Variants in MGAT5B observed in about 807,000 individuals in gnomAD.
MGAT5B encodes the protein alpha-1,6-mannosylglycoprotein 6-beta-N-acetylglucosaminyltransferase B.
In MGAT5B, 54 loss-of-function variants were observed where a neutral mutation model predicts 95.1. The observed-to-expected ratio is 0.57, with a 90% confidence interval of 0.46 to 0.71. The LOEUF (loss-of-function observed/expected upper bound fraction) is 0.71, where lower values mean the gene tolerates loss of function less well. Among genes scored for constraint, MGAT5B ranks in the 30% least tolerant of loss-of-function variants. The pLI is 0.00. For synonymous variants in MGAT5B, 464 were observed against 451.0 expected, an observed-to-expected ratio of 1.03 and a Z score of -0.36; for missense variants, 935 against 1,088.6, an observed-to-expected ratio of 0.86 and a Z score of 1.99.
chr17:76,927,003 G>A (rs1476093400), intron 10 of MGAT5B, among the ~76,000 whole-genome samples: 1 of 152,200 alleles, frequency 6.6e-6, no homozygotes, highest in Non-Finnish European at 1.5e-5. Context: ...TCACCCTCCA[G>A]GAGGGAGGTT....
At chr17:76,939,030 GTGT>G (rs1412273434) in intron 13 of MGAT5B, among the ~76,000 whole-genome samples, 88 of 41,378 alleles carry the variant, frequency 2.1e-3, no homozygotes, top group Middle Eastern at 0.016. Context: ...CATCTTGGGG[GTGT>G]GTGTGTGTGT....
At chr17:76,896,701 C>A (rs1411185504) in intron 3 of MGAT5B, among the ~76,000 whole-genome samples, 1 of 152,168 alleles carries the variant, frequency 6.6e-6, no homozygotes, top group African/African-American at 2.4e-5. Flanking sequence ...GGATTTGAAC[C>A]CAGGACCTCT....
rs1567805847 is a variant in MGAT5B at position 76,905,305 on chromosome 17, T to G, written c.827T>G (p.Leu276Arg). 3 of 1,601,122 alleles carry G rather than the reference T, an allele frequency of 1.9e-6. No homozygotes were observed. Among genetic ancestry groups the G allele is most frequent in the Non-Finnish European group, 2.6e-6 (3 of 1,170,720 alleles). ...ALAAQRLAQKLGATQRDQKQI... is the reference protein window; with the variant it reads ...ALAAQRLAQKRGATQRDQKQI... ...GCTGCCCAGCGCCTGGCACAGAAGC[T>G]GGGGGCCACCCAGAGGGACCAGAAG... Residue 276 changes from leucine (L) to arginine (R), a missense_variant, in exon 7 of 18, where the codon CTG (leucine) becomes CGG (arginine). Physicochemically the swap from Leu to Arg is moderately radical, Grantham distance 102. Around this residue, in one of 4 missense-constraint regions of MGAT5B, gnomAD observed 243 missense variants for 305.5 expected, o/e 0.80. Transcript: ENST00000569840. The surrounding 1 kb of genome is among the most constrained non-coding windows in gnomAD (Gnocchi z 4.2).
intron 10 of MGAT5B, among the ~76,000 whole-genome samples, chr17:76,927,049 C>G (rs1019878163): frequency 1.3e-5 from 2 of 152,150 alleles, no homozygotes; most frequent in South Asian, 2.1e-4. Flanking sequence ...GACTCCGCGG[C>G]CTTCCAGAAA....
In MGAT5B at chr17:76,906,176, G is replaced by A. The variant is rs888021695; in HGVS notation, c.1014G>A (p.Lys338=). ...GCCTGCGGGTCACAGTCTCCCTGAA[G>A]GAGCTGCAGAGGTGAGTGCTGGGGA... ...GHGLRVTVSL[K]ELQSNLGVPP... is the part of the protein sequence containing the mutation. The change falls in exon 8 of 18, where the codon AAG becomes AAA. Residue 338 remains lysine (K), a synonymous_variant. Transcript: ENST00000569840. The surrounding 1 kb of genome is among the most constrained non-coding windows in gnomAD (Gnocchi z 4.6). 1.2e-6 allele frequency: 2 copies of A among 1,604,022 alleles called. No homozygotes were observed. Among genetic ancestry groups the A allele is most frequent in the African/African-American group, 2.7e-5 (2 of 73,892 alleles).
chr17:76,907,862 T>C (rs1231018647), intron 8 of MGAT5B, among the ~76,000 whole-genome samples: 1 of 152,194 alleles, frequency 6.6e-6, no homozygotes, highest in African/African-American at 2.4e-5. Flanking sequence ...CACCTACACT[T>C]AGGGTTGTCA....
Position 76,915,482 on chromosome 17 carries a change from G to A in MGAT5B, c.1025+9295G>A, listed in dbSNP as rs901276759. On this transcript the variant is annotated intron_variant, in intron 8 of 17. Transcript: ENST00000569840. The surrounding 1 kb of genome is among the most constrained non-coding windows in gnomAD (Gnocchi z 8.7). ...GACAAGACCGAAAAACAACCCTCGG[G>A]CTCTACCAGGGTTTGTAATATGCTA... Among the ~76,000 whole-genome samples the A allele has an allele frequency of 2.0e-5, 3 of 152,146 alleles. No homozygotes were observed. The highest frequency in any genetic ancestry group is 2.9e-5 in the Non-Finnish European group (2 of 68,036).
Position 76,905,396 on chromosome 17 carries a change from T to G in MGAT5B, c.855+63T>G. 7.1e-6 allele frequency: 10 copies of G among 1,401,726 alleles called. No homozygotes were observed. Among genetic ancestry groups the G allele is most frequent in the Non-Finnish European group, 9.6e-6 (10 of 1,042,548 alleles). 86.8% of individuals were successfully genotyped at this position (1,401,726 alleles called of 1,614,324 possible). Reference sequence around the variant, plus strand: ...AAAGCTCAGGGCCCCCACTTCTGAGTGGGCATGGAATAGGTCTTCAAACAA... The same window carrying G: ...AAAGCTCAGGGCCCCCACTTCTGAGGGGGCATGGAATAGGTCTTCAAACAA... On this transcript the variant is annotated intron_variant, in intron 7 of 17. Coordinates refer to ENST00000569840, the MANE Select transcript of MGAT5B (RefSeq NM_001199172.2). The surrounding 1 kb of genome is among the most constrained non-coding windows in gnomAD (Gnocchi z 4.2).
intron 3 of MGAT5B, among the ~76,000 whole-genome samples, chr17:76,900,377 A>G (rs1450776485): frequency 1.3e-5 from 2 of 152,234 alleles, no homozygotes. Context: ...ACCTGTGACT[A>G]TGACCTCATT....
chr17:76,885,032 C>T (rs1168277633), intron 3 of MGAT5B, among the ~76,000 whole-genome samples: 2 of 152,184 alleles, frequency 1.3e-5, no homozygotes, highest in Non-Finnish European at 2.9e-5. Context: ...GCCACTGTGC[C>T]TGGGCTACTG....
chr17:76,872,742 C>T lies in MGAT5B; in HGVS notation c.69-109C>T, dbSNP rs758542280. 22 of 1,591,140 alleles carry T rather than the reference C, an allele frequency of 1.4e-5. No individual in the cohort carries two copies. The African/African-American group carries it at 3.0e-4, about 21-fold the overall frequency. ...CCATCCTTTCATTCTCCCTTGCTTC[C>T]TTCACTCATGCACTCATTCGTAAAA... On this transcript the variant is annotated intron_variant, in intron 1 of 17. Transcript: ENST00000569840.
chr17:76,915,788 C>G lies in MGAT5B; in HGVS notation c.1026-9178C>G, dbSNP rs1968909885. Among the ~76,000 whole-genome samples, 1 of 152,208 alleles carries G rather than the reference C, an allele frequency of 6.6e-6. No individual in the cohort carries two copies. The highest frequency in any genetic ancestry group is 1.5e-5 in the Non-Finnish European group (1 of 68,034). The stretch of plus-strand genomic sequence containing the variant: ...TTCACTAAAAATCCCCGGCCCCTCT[C>G]CTGTCTCCTTTTTCCTTCCCCTTCC... On this transcript the variant is annotated intron_variant, in intron 8 of 17. Transcript: ENST00000569840. The surrounding 1 kb of genome is among the most constrained non-coding windows in gnomAD (Gnocchi z 8.7).
intron 9 of MGAT5B, among the ~76,000 whole-genome samples, chr17:76,925,983 G>T (rs759196789): frequency 7.9e-5 from 12 of 152,096 alleles, no homozygotes; most frequent in Non-Finnish European, 1.5e-4. Context: ...TTTTGAACTT[G>T]GGCCTCCACC....
At chr17:76,872,692 C>A (rs879174828) in intron 1 of MGAT5B, 159 bp from the exon 2 acceptor site, 2 of 1,534,752 alleles carry the variant, frequency 1.3e-6, no homozygotes, top group South Asian at 1.2e-5. Context: ...AGTGGGGGGG[C>A]CCTCCTGGGT....
chr17:76,892,124 G>A (rs957740444), intron 3 of MGAT5B, among the ~76,000 whole-genome samples: 4 of 152,098 alleles, frequency 2.6e-5, no homozygotes, highest in Non-Finnish European at 5.9e-5. Flanking sequence ...ACGGCTCACT[G>A]AAGATCTCAA....
At chr17:76,894,584 A>T (rs182939399) in intron 3 of MGAT5B, among the ~76,000 whole-genome samples, 1 of 152,128 alleles carries the variant, frequency 6.6e-6, no homozygotes, top group Non-Finnish European at 1.5e-5. Flanking sequence ...GGCTGTGCGC[A>T]GTGGCTCATG....
At chr17:76,888,127 T>G (rs1169035342) in intron 3 of MGAT5B, among the ~76,000 whole-genome samples, 2 of 152,166 alleles carry the variant, frequency 1.3e-5, no homozygotes, top group Non-Finnish European at 2.9e-5. Flanking sequence ...AGTGCATGTG[T>G]GCACGGGTGT....
chr17:76,913,665 A>G (rs777299375), intron 8 of MGAT5B: 3 of 508,510 alleles, frequency 5.9e-6, no homozygotes, highest in Non-Finnish European at 1.2e-5. Flanking sequence ...AAGGCCTCTT[A>G]CAGGCAAAGG....
intron 2 of MGAT5B, among the ~76,000 whole-genome samples, chr17:76,877,396 G>C (rs1159306338): frequency 6.6e-6 from 1 of 151,634 alleles, no homozygotes; most frequent in African/African-American, 2.4e-5. Flanking sequence ...GTAGGCTGAA[G>C]GTCCATGGCA....
Sources: allele counts gnomAD v4.1 joint callset (sites outside exome capture counted in the v4.1 genomes callset), GRCh38; gene constraint gnomAD v4.1.1; regional missense constraint gnomAD v4.1.1; non-coding constraint Gnocchi (gnomAD v3.1); transcripts MANE v1.5; gene names NCBI Gene and HGNC (gene_info 2026-07-23, HGNC 2026-07-21).